The following USH2A variants were observed in gnomAD, a reference collection of about 807,000 sequenced individuals.
USH2A encodes the protein Usher syndrome 2A (autosomal recessive, mild).
USH2A carries 443 observed loss-of-function variants against 538.9 expected under a neutral mutation model. The ratio of observed to expected loss-of-function variants is 0.82; its 90% CI spans 0.76 to 0.89. USH2A has a LOEUF of 0.89. USH2A is among the 40% of genes least tolerant of loss of function. The probability of loss-of-function intolerance (pLI) is 0.00; values close to 1 mark genes in which losing one functional copy is unlikely to be tolerated. For synonymous variants in USH2A, 2,413 were observed against 2,273.5 expected (o/e 1.06, Z -1.75); for missense variants, 6,633 against 6,324.8 (o/e 1.05, Z -1.65).
chr1:216,042,397 G>C (rs777939124), intron 32 of USH2A, among the ~76,000 whole-genome samples: 1 of 151,570 alleles, frequency 6.6e-6, no homozygotes, highest in Non-Finnish European at 1.5e-5. Flanking sequence ...AGTAAACTCT[G>C]TATTCCACTT....
At chr1:216,245,970 G>T (rs994410521) in intron 13 of USH2A, among the ~76,000 whole-genome samples, 1 of 152,162 alleles carries the variant, frequency 6.6e-6, no homozygotes, top group African/African-American at 2.4e-5. Flanking sequence ...TGTAAAGAAG[G>T]TATAGTATTT....
intron 47 of USH2A, among the ~76,000 whole-genome samples, chr1:215,824,690 C>A (rs1663105649): frequency 6.6e-6 from 1 of 152,166 alleles, no homozygotes; most frequent in Non-Finnish European, 1.5e-5. Context: ...AGAGATAGAG[C>A]CCTTCGGGCA....
intron 66 of USH2A, 49 bp downstream of exon 66, chr1:215,648,479 C>T (rs769996636): frequency 1.3e-6 from 2 of 1,581,612 alleles, no homozygotes; most frequent in Non-Finnish European, 1.7e-6. Flanking sequence ...GTTCATATGT[C>T]TGTACACATG....
Position 216,394,167 on chromosome 1 carries a change from GTGGCCATACCAAGTGC to G in USH2A, c.651+24331_651+24346del, listed in dbSNP as rs113511277. On this transcript the variant is annotated intron_variant, in intron 3 of 71. Coordinates refer to ENST00000307340, the MANE Select transcript of USH2A (RefSeq NM_206933.4). ...AAGAAGAGCTAAATAAATAAATGAA[GTGGCCATACCAAGTGC>G]TGGCCAGGATGCAAAACAACTGTAA... Among the ~76,000 whole-genome samples, 1,057 of 152,162 alleles carry G rather than the reference GTGGCCATACCAAGTGC, an allele frequency of 6.9e-3. 10 individuals carry two copies. Among genetic ancestry groups the G allele is most frequent in the African/African-American group, 0.024 (1,012 of 41,508 alleles).
chr1:215,766,932 G>GA (rs1028568808), intron 55 of USH2A, 144 bp from the exon 56 acceptor site: 12 of 807,920 alleles, frequency 1.5e-5, no homozygotes, highest in Non-Finnish European at 2.4e-5. Context: ...AAGAAGGTCT[G>GA]AACCTCATAA....
In USH2A at chr1:215,900,096, G is replaced by T. The variant is rs762553660; in HGVS notation, c.7573C>A (p.Pro2525Thr). 54 of 1,613,700 alleles carry T rather than the reference G, an allele frequency of 3.3e-5. No homozygotes were observed. Among genetic ancestry groups the T allele is most frequent in the African/African-American group, 1.3e-4 (10 of 74,988 alleles). ...TTACTGTCCTCTGCGGTCATGAATG[G>T]AATCCAAGAACTATGTGCACTGCCA... is the stretch of plus-strand genomic sequence containing the variant. ...GFGSAHSSWI[P>T]FMTAEDKPGP... Residue 2525 changes from proline to threonine, a missense_variant, in exon 40 of 72, where the codon CCA (proline) becomes ACA (threonine). Transcript: ENST00000307340.
chr1:216,191,365 A>T (rs1162829619), intron 19 of USH2A, among the ~76,000 whole-genome samples: 1 of 152,014 alleles, frequency 6.6e-6, no homozygotes, highest in African/African-American at 2.4e-5. Context: ...TTCATTTGGA[A>T]TATTTGCCTA....
chr1:216,168,531 C>T (rs2034214321), intron 21 of USH2A, among the ~76,000 whole-genome samples: 1 of 152,080 alleles, frequency 6.6e-6, no homozygotes, highest in Admixed American at 6.6e-5. Context: ...ATTTAGTTTA[C>T]AATTTAGTTT....
Position 216,281,865 on chromosome 1 carries a change from G to GTTTTTTTTTTTTTTTTT in USH2A, c.1971+7398_1971+7414dup, listed in dbSNP as rs766030449. 3.1e-5 allele frequency among the ~76,000 whole-genome samples: 3 copies of GTTTTTTTTTTTTTTTTT among 96,474 alleles called. 1 individual carries two copies. The highest frequency in any genetic ancestry group is 7.9e-5 in the African/African-American group (2 of 25,202). The allele number at this position is 96,474 out of a possible 152,430, so 63.3% of individuals were successfully genotyped here. ...TCCTCACCAAATTTTGTTTTTGTCTGTTTTTTTTTTTTTTTTTTTTTTGAG... is the reference window on the plus strand; with the variant it reads ...TCCTCACCAAATTTTGTTTTTGTCTGTTTTTTTTTTTTTTTTTTTTTTTTTTTTTTTTTTTTTTTGAG... On this transcript the variant is annotated intron_variant, in intron 11 of 71. Coordinates refer to ENST00000307340, the MANE Select transcript of USH2A (RefSeq NM_206933.4).
At chr1:216,126,161 A>G (rs1163182110) in intron 21 of USH2A, among the ~76,000 whole-genome samples, 1 of 152,162 alleles carries the variant, frequency 6.6e-6, no homozygotes, top group African/African-American at 2.4e-5. Context: ...AATGCACATG[A>G]AACAATTGTA....
At chr1:215,802,467 C>CT (rs562418552) in intron 49 of USH2A, among the ~76,000 whole-genome samples, 4 of 151,826 alleles carry the variant, frequency 2.6e-5, no homozygotes, top group African/African-American at 7.3e-5. Context: ...TTAATAGACA[C>CT]TTTTTTCCAA....
chr1:215,800,360 TC>T (rs1662288388), intron 49 of USH2A, among the ~76,000 whole-genome samples: 1 of 152,172 alleles, frequency 6.6e-6, no homozygotes, highest in Non-Finnish European at 1.5e-5. Flanking sequence ...CTTGAACATA[TC>T]TTTTCCCCTG....
At chr1:215,852,995 C>A (rs1251672034) in intron 44 of USH2A, among the ~76,000 whole-genome samples, 1 of 152,172 alleles carries the variant, frequency 6.6e-6, no homozygotes, top group Non-Finnish European at 1.5e-5. Flanking sequence ...AGGACAGTGG[C>A]CCTCTTCTTA....
intron 8 of USH2A, among the ~76,000 whole-genome samples, chr1:216,322,689 T>C (rs768762441): frequency 1.3e-5 from 2 of 151,988 alleles, no homozygotes; most frequent in Non-Finnish European, 2.9e-5. Context: ...ATTTTTTTAT[T>C]TTTTTTTCCA....
Position 216,369,165 on chromosome 1 carries a change from T to G in USH2A, c.652-4080A>C, listed in dbSNP as rs151179140. On this transcript the variant is annotated intron_variant, in intron 3 of 71. Coordinates refer to ENST00000307340, the MANE Select transcript of USH2A (RefSeq NM_206933.4). Reference sequence around the variant, plus strand: ...ATTGCCCTGAAATAGAAATTTCTATTTCTAAGTGAAAGAAGGATTTGCATA... The same window carrying G: ...ATTGCCCTGAAATAGAAATTTCTATGTCTAAGTGAAAGAAGGATTTGCATA... Among the ~76,000 whole-genome samples the G allele has an allele frequency of 9.0e-3, 1,375 of 152,300 alleles. 6 individuals are homozygous for G. Among genetic ancestry groups the G allele is most frequent in the Middle Eastern group, 0.037 (11 of 294 alleles).
intron 47 of USH2A, among the ~76,000 whole-genome samples, chr1:215,836,541 TAA>T (rs1663529558): frequency 1.3e-4 from 3 of 23,718 alleles, no homozygotes; most frequent in Middle Eastern, 0.016. Context: ...TATATATATA[TAA>T]TATATATATA....
intron 61 of USH2A, among the ~76,000 whole-genome samples, chr1:215,703,048 T>C (rs1343711467): frequency 6.6e-6 from 1 of 152,200 alleles, no homozygotes; most frequent in African/African-American, 2.4e-5. Flanking sequence ...TTTGTTAGTT[T>C]TCCTTTTAAC....
At chr1:216,364,829 T>G in intron 4 of USH2A, 124 bp downstream of exon 4, 1 of 1,281,972 alleles carries the variant, frequency 7.8e-7, no homozygotes, top group Admixed American at 2.1e-5. Flanking sequence ...CAGTTGGTGG[T>G]AATTTGTTCA....
At chr1:215,714,552 T>TC (rs1415558534) in intron 61 of USH2A, among the ~76,000 whole-genome samples, 3 of 152,208 alleles carry the variant, frequency 2.0e-5, no homozygotes, top group Non-Finnish European at 4.4e-5. Flanking sequence ...CTAGGTTTTT[T>TC]CCCTCTCTTT....
Sources: allele counts gnomAD v4.1 joint callset (sites outside exome capture counted in the v4.1 genomes callset), GRCh38; gene constraint gnomAD v4.1.1; transcripts MANE v1.5; gene names NCBI Gene and HGNC (gene_info 2026-07-23, HGNC 2026-07-21).